ROR2: variants seen among roughly 807,000 people sequenced by gnomAD.
The protein encoded by ROR2 is tyrosine-protein kinase transmembrane receptor ROR2.
ROR2 carries 33 observed loss-of-function variants against 74.9 expected under a neutral mutation model. The observed-to-expected ratio is 0.44, with a 90% CI of 0.33 to 0.59. The LOEUF (loss-of-function observed/expected upper bound fraction) is 0.59. Ranked by LOEUF, ROR2 falls within the 20% of genes least tolerant of loss-of-function variation. ROR2 has a pLI of 0.02. For missense variants in ROR2, 1,216 were observed against 1,313.8 expected, an observed-to-expected ratio of 0.93 and a Z score of 1.15; for synonymous variants, 586 against 558.7, an observed-to-expected ratio of 1.05 and a Z score of -0.69.
intron 1 of ROR2, among the ~76,000 whole-genome samples, chr9:91,792,520 A>C (rs62563410): frequency 6.6e-6 from 1 of 152,072 alleles, no homozygotes; most frequent in Admixed American, 6.6e-5. Flanking sequence ...GTGTTAGCCA[A>C]GATGGTCTCG....
intron 6 of ROR2, among the ~76,000 whole-genome samples, chr9:91,732,859 C>G (rs1243185608): frequency 6.6e-6 from 1 of 152,240 alleles, no homozygotes; most frequent in Non-Finnish European, 1.5e-5. Context: ...GGTGGAGGGA[C>G]TTCACCTGAG....
At chr9:91,750,430 G>A (rs763726792) in intron 4 of ROR2, among the ~76,000 whole-genome samples, 17 of 152,122 alleles carry the variant, frequency 1.1e-4, no homozygotes, top group Non-Finnish European at 2.4e-4. Flanking sequence ...CATCTTATTT[G>A]ATGTATATTA....
intron 1 of ROR2, among the ~76,000 whole-genome samples, chr9:91,860,327 G>A (rs916635279): frequency 6.6e-6 from 1 of 152,174 alleles, no homozygotes; most frequent in Non-Finnish European, 1.5e-5. Context: ...CTGGATGAAT[G>A]GGGGATCTCA....
At chr9:91,892,278 T>TGC (rs1830439796) in intron 1 of ROR2, among the ~76,000 whole-genome samples, 1 of 152,200 alleles carries the variant, frequency 6.6e-6, no homozygotes, top group African/African-American at 2.4e-5. Context: ...CCTAGGTAAG[T>TGC]GCACCGGCAG....
intron 1 of ROR2, among the ~76,000 whole-genome samples, chr9:91,841,774 G>C (rs952894467): frequency 7.9e-5 from 12 of 152,328 alleles, no homozygotes; most frequent in African/African-American, 2.4e-4. Context: ...GGTGGGGTTT[G>C]CACCAGACCT....
chr9:91,770,666 G>A (rs1826197769), intron 2 of ROR2, among the ~76,000 whole-genome samples: 1 of 152,198 alleles, frequency 6.6e-6, no homozygotes, highest in Non-Finnish European at 1.5e-5. Context: ...CCTGGCCAGA[G>A]GAGACACACC....
chr9:91,830,759 GA>G, intron 1 of ROR2, among the ~76,000 whole-genome samples: 1 of 149,994 alleles, frequency 6.7e-6, no homozygotes, highest in East Asian at 2.0e-4. Flanking sequence ...AACAAATTTT[GA>G]AAAAAAAGTT....
In ROR2 at chr9:91,937,427, G is replaced by A. The variant is rs527990754; in HGVS notation, c.97+12440C>T. ...CCATTTCTCTAACAGCTCACAGGAC[G>A]CCCCCCAGACCCAGAGATCCAGACG... On this transcript the variant is annotated intron_variant, in intron 1 of 8. Transcript: ENST00000375708. Among the ~76,000 whole-genome samples, 8 of 151,994 alleles carry A rather than the reference G, an allele frequency of 5.3e-5. No homozygotes were observed. The South Asian group carries it at 1.3e-3, about 24-fold the overall frequency.
chr9:91,840,715 G>A (rs1388680098), intron 1 of ROR2, among the ~76,000 whole-genome samples: 1 of 152,212 alleles, frequency 6.6e-6, no homozygotes, highest in African/African-American at 2.4e-5. Context: ...GTGATGGCCA[G>A]AACCAAATGC....
intron 1 of ROR2, among the ~76,000 whole-genome samples, chr9:91,799,606 T>C (rs1046259604): frequency 5.3e-5 from 8 of 152,338 alleles, no homozygotes; most frequent in African/African-American, 4.8e-5. Context: ...CTACCAGCCC[T>C]GAGCCAAGGC....
intron 1 of ROR2, among the ~76,000 whole-genome samples, chr9:91,889,751 T>A (rs572899054): frequency 4.1e-4 from 62 of 152,282 alleles, no homozygotes; most frequent in African/African-American, 1.5e-3. Flanking sequence ...TTTCTTGAAG[T>A]CCAAAAACTT....
At chr9:91,870,246 A>G (rs1564010746) in intron 1 of ROR2, among the ~76,000 whole-genome samples, 1 of 152,200 alleles carries the variant, frequency 6.6e-6, no homozygotes, top group Non-Finnish European at 1.5e-5. Context: ...TTTAGTCATG[A>G]AATATGAAAT....
chr9:91,883,093 C>T (rs1028821564), intron 1 of ROR2, among the ~76,000 whole-genome samples: 2 of 152,164 alleles, frequency 1.3e-5, no homozygotes, highest in African/African-American at 2.4e-5. Context: ...CTTCAGATTT[C>T]GGATTTTTGG....
At chr9:91,821,005 G>A (rs1247170038) in intron 1 of ROR2, among the ~76,000 whole-genome samples, 1 of 152,208 alleles carries the variant, frequency 6.6e-6, no homozygotes, top group East Asian at 1.9e-4. Flanking sequence ...GGAAGCTGAG[G>A]CAGGAGAATT....
At chr9:91,940,702 C>T (rs1383702999) in intron 1 of ROR2, among the ~76,000 whole-genome samples, 3 of 102,928 alleles carry the variant, frequency 2.9e-5, no homozygotes, top group Non-Finnish European at 5.2e-5. Flanking sequence ...CCAAGTGATC[C>T]TCCTGTCTCT....
intron 1 of ROR2, among the ~76,000 whole-genome samples, chr9:91,807,448 A>G (rs1342265319): frequency 6.6e-6 from 1 of 152,218 alleles, no homozygotes; most frequent in Non-Finnish European, 1.5e-5. Flanking sequence ...ATACCCTTCA[A>G]ATAAACCAGT....
At chr9:91,848,705 A>T (rs1232270844) in intron 1 of ROR2, among the ~76,000 whole-genome samples, 1 of 148,344 alleles carries the variant, frequency 6.7e-6, no homozygotes, top group Non-Finnish European at 1.5e-5. Context: ...CAGTGAGCTG[A>T]GATCGCTCCA....
At chr9:91,934,998 CA>C (rs1395626211) in intron 1 of ROR2, among the ~76,000 whole-genome samples, 1 of 152,152 alleles carries the variant, frequency 6.6e-6, no homozygotes, top group Admixed American at 6.5e-5. Context: ...TTGAATCTTA[CA>C]TAATTACGTT....
chr9:91,808,502 G>A (rs1827637752), intron 1 of ROR2, among the ~76,000 whole-genome samples: 1 of 151,664 alleles, frequency 6.6e-6, no homozygotes, highest in Non-Finnish European at 1.5e-5. Context: ...GGTGGCACAT[G>A]CCACCCAGCT....
Sources: gnomAD v4.1 joint callset for allele counts (sites outside exome capture counted in the v4.1 genomes callset) on GRCh38, gnomAD v4.1.1 for gene constraint, MANE v1.5 for transcripts, NCBI Gene and HGNC (gene_info 2026-07-23, HGNC 2026-07-21) for gene names.